The following MYO3A variants were observed in gnomAD, a reference collection of about 807,000 sequenced individuals.
The protein encoded by MYO3A is myosin IIIA.
In MYO3A, 180 loss-of-function variants were observed where a neutral mutation model predicts 192.7. The observed-to-expected ratio is 0.93, with a 90% confidence interval of 0.83 to 1.06. The LOEUF is 1.06. Ranked by LOEUF, MYO3A falls within the 50% of genes least tolerant of loss-of-function variation. MYO3A has a pLI of 0.00. For synonymous variants in MYO3A, 628 were observed against 645.3 expected (o/e 0.97, Z 0.41); for missense variants, 1,896 against 1,905.0 (o/e 1.00, Z 0.09).
intron 31 of MYO3A, among the ~76,000 whole-genome samples, chr10:26,178,928 A>C (rs1842468854): frequency 6.6e-6 from 1 of 151,254 alleles, no homozygotes; most frequent in Non-Finnish European, 1.5e-5. Flanking sequence ...CAGCCTCCCT[A>C]GTAGCTGGGG....
chr10:26,114,862 A>T (rs752839262), intron 17 of MYO3A, among the ~76,000 whole-genome samples: 5 of 152,230 alleles, frequency 3.3e-5, no homozygotes, highest in Non-Finnish European at 1.5e-5. Flanking sequence ...AAAATGTAGT[A>T]AATTCTATGA....
chr10:26,184,316 T>C (rs1842763066), intron 31 of MYO3A, among the ~76,000 whole-genome samples: 1 of 152,152 alleles, frequency 6.6e-6, no homozygotes, highest in African/African-American at 2.4e-5. Flanking sequence ...AAAATTCCTC[T>C]CCTAAGATTT....
intron 17 of MYO3A, among the ~76,000 whole-genome samples, chr10:26,117,475 A>C (rs532589854): frequency 4.2e-4 from 64 of 151,798 alleles, no homozygotes; most frequent in Non-Finnish European, 7.7e-4. Context: ...CCCTCCTCCT[A>C]CCCTGTGCCA....
intron 6 of MYO3A, among the ~76,000 whole-genome samples, chr10:26,006,175 G>C (rs1841190755): frequency 2.0e-5 from 3 of 152,112 alleles, no homozygotes; most frequent in Admixed American, 6.5e-5. Context: ...GATGTTCTTT[G>C]AAACCAACGA....
chr10:26,002,581 A>G (rs113337278), intron 6 of MYO3A, among the ~76,000 whole-genome samples: 19,287 of 145,682 alleles, frequency 0.13, 1,529 homozygotes, highest in African/African-American at 0.21. Flanking sequence ...TAATCGGAAT[A>G]AGTCAGGGTG....
chr10:26,107,272 G>C lies in MYO3A; in HGVS notation c.1776+10590G>C, dbSNP rs569763753. Among the ~76,000 whole-genome samples the C allele has an allele frequency of 5.8e-4, 88 of 152,176 alleles. 2 individuals are homozygous for C. The East Asian group carries it at 0.012, about 20-fold the overall frequency. On this transcript the variant is annotated intron_variant, in intron 17 of 34. Transcript: ENST00000642920. ...CGAGGCGGGTGGATCACGAGGTCAG[G>C]AGATCAAGACCATCCTGGCTAACAC...
At chr10:26,078,337 A>T (rs1835727506) in intron 14 of MYO3A, among the ~76,000 whole-genome samples, 1 of 151,898 alleles carries the variant, frequency 6.6e-6, no homozygotes. Flanking sequence ...CAGTGGTGTC[A>T]GTTGTAATAT....
At chr10:26,081,094 G>A (rs12777006) in intron 14 of MYO3A, among the ~76,000 whole-genome samples, 67,187 of 144,660 alleles carry the variant, frequency 0.46, 16,664 homozygotes, top group Middle Eastern at 0.58. Context: ...TGGAACCGGC[G>A]GTGGGTGGGG....
chr10:26,059,206 A>AC (rs1554815748), intron 10 of MYO3A, among the ~76,000 whole-genome samples: 1 of 151,898 alleles, frequency 6.6e-6, no homozygotes, highest in African/African-American at 2.4e-5. Context: ...TGCATTAGCT[A>AC]TGACTTCCAC....
chr10:26,152,871 G>C (rs533552588), intron 23 of MYO3A, among the ~76,000 whole-genome samples: 3 of 152,240 alleles, frequency 2.0e-5, no homozygotes, highest in Non-Finnish European at 2.9e-5. Flanking sequence ...AGGAAGCAGA[G>C]CAGAGGCCCT....
chr10:25,953,087 C>G (rs897169808), intron 3 of MYO3A, among the ~76,000 whole-genome samples: 3 of 151,826 alleles, frequency 2.0e-5, no homozygotes, highest in Non-Finnish European at 2.9e-5. Flanking sequence ...CCCCAAACAT[C>G]TATTGAAAGC....
At chr10:26,039,979 G>GT (rs148509688) in intron 10 of MYO3A, among the ~76,000 whole-genome samples, 26,384 of 150,172 alleles carry the variant, frequency 0.18, 2,536 homozygotes, top group Non-Finnish European at 0.21. Flanking sequence ...TTTATTTGAA[G>GT]TTTTTTTTTA....
chr10:26,185,329 CTTTTTTTTTTTTTTTTT>C (rs61581382), intron 31 of MYO3A, among the ~76,000 whole-genome samples: 1 of 63,856 alleles, frequency 1.6e-5, no homozygotes. Flanking sequence ...TTCCAGGATT[CTTTTTTTTTTTTTTTTT>C]TTTTTTTTTT....
intron 7 of MYO3A, among the ~76,000 whole-genome samples, chr10:26,017,440 T>C (rs1031243146): frequency 6.6e-6 from 1 of 152,140 alleles, no homozygotes; most frequent in Non-Finnish European, 1.5e-5. Flanking sequence ...CCCATCACTA[T>C]TAATGATTTT....
At chr10:26,068,481 C>A (rs1228138614) in intron 11 of MYO3A, among the ~76,000 whole-genome samples, 1 of 152,074 alleles carries the variant, frequency 6.6e-6, no homozygotes, top group Non-Finnish European at 1.5e-5. Flanking sequence ...GCTATTACTT[C>A]TTTTCTTGAA....
At chr10:26,183,474 G>T (rs771791204) in intron 31 of MYO3A, among the ~76,000 whole-genome samples, 16 of 152,214 alleles carry the variant, frequency 1.1e-4, no homozygotes, top group Non-Finnish European at 2.4e-4. Flanking sequence ...AGTGAGCCAA[G>T]ATTGCGCCAC....
At chr10:26,193,951 G>A (rs1485806652) in intron 32 of MYO3A, among the ~76,000 whole-genome samples, 5 of 152,144 alleles carry the variant, frequency 3.3e-5, no homozygotes, top group Non-Finnish European at 4.4e-5. Flanking sequence ...TTCTTCTCAT[G>A]TTCCTGTTCT....
At chr10:26,092,913 T>A (rs1836785275) in intron 15 of MYO3A, among the ~76,000 whole-genome samples, 2 of 152,212 alleles carry the variant, frequency 1.3e-5, no homozygotes, top group African/African-American at 4.8e-5. Flanking sequence ...GGAGGTGTGT[T>A]CTTTTCCTGT....
chr10:25,956,370 G>C (rs536323173), intron 4 of MYO3A, among the ~76,000 whole-genome samples: 1 of 136,236 alleles, frequency 7.3e-6, no homozygotes, highest in South Asian at 2.3e-4. Flanking sequence ...TTGCTTTGTT[G>C]CCCAGGCTGG....
Sources: allele counts gnomAD v4.1 joint callset (sites outside exome capture counted in the v4.1 genomes callset), GRCh38; gene constraint gnomAD v4.1.1; transcripts MANE v1.5; gene names NCBI Gene and HGNC (gene_info 2026-07-23, HGNC 2026-07-21).